OR52N4: variants seen among roughly 807,000 people sequenced by gnomAD.
The protein encoded by OR52N4 is olfactory receptor family 52 subfamily N member 4, also known as olfactory receptor 52N4.
OR52N4 carries 15 observed loss-of-function variants against 15.0 expected under a neutral mutation model. The ratio of observed to expected loss-of-function variants is 1.00; its 90% CI spans 0.67 to 1.54. OR52N4 has a LOEUF of 1.54. Ranked by LOEUF, OR52N4 falls within the 40% of genes most tolerant of loss-of-function variation. The pLI is 0.00. For synonymous variants in OR52N4, 143 were observed against 143.7 expected (o/e 1.00, Z 0.03); for missense variants, 421 against 394.0 (o/e 1.07, Z -0.58).
At chr11:5,736,743 G>C in the OR52N4 span, 7 of 1,614,004 alleles carry the variant, frequency 4.3e-6, no homozygotes, top group Middle Eastern at 1.7e-4. Context: ...GGCATCCTCT[G>C]TATGGTAGAC....
upstream of OR52N4, among the ~76,000 whole-genome samples, chr11:5,752,825 A>G (rs1002591469): frequency 5.3e-5 from 8 of 152,144 alleles, no homozygotes; most frequent in Admixed American, 5.2e-4. Flanking sequence ...TCACTTTTTA[A>G]AAAGATTTTT....
At chr11:5,727,490 C>T in the OR52N4 span, 1 of 144,730 alleles carries the variant, frequency 6.9e-6, no homozygotes, top group East Asian at 2.1e-4. Context: ...GGACTTAATC[C>T]AAAATAAAAA....
At chr11:5,736,510 T>A in the OR52N4 span, 1 of 1,611,170 alleles carries the variant, frequency 6.2e-7, no homozygotes, top group African/African-American at 1.3e-5. Context: ...GAAATTCATG[T>A]TGAATCATGA....
the OR52N4 span, among the ~76,000 whole-genome samples, chr11:5,732,505 C>T: frequency 2.0e-5 from 3 of 152,138 alleles, no homozygotes; most frequent in African/African-American, 7.2e-5. Flanking sequence ...TTAGATCTGT[C>T]AGTACAGTAA....
At chr11:5,748,396 CAAT>C in the OR52N4 span, among the ~76,000 whole-genome samples, 38,607 of 150,924 alleles carry the variant, frequency 0.26, 5,381 homozygotes, top group East Asian at 0.4. Flanking sequence ...TTATTTTTAG[CAAT>C]AATAATTATT....
At chr11:5,750,431 G>T (rs1590342422), upstream of OR52N4, among the ~76,000 whole-genome samples, 1 of 128,724 alleles carries the variant, frequency 7.8e-6, no homozygotes. Context: ...ATCCTGAGCT[G>T]CTATTTACAA....
At chr11:5,745,420 A>C in the OR52N4 span, among the ~76,000 whole-genome samples, 1 of 152,170 alleles carries the variant, frequency 6.6e-6, no homozygotes, top group African/African-American at 2.4e-5. Flanking sequence ...AGCAGAGAAC[A>C]AAATCAAGAA....
chr11:5,746,035 CTAAAA>C, the OR52N4 span, among the ~76,000 whole-genome samples: 1 of 152,044 alleles, frequency 6.6e-6, no homozygotes, highest in African/African-American at 2.4e-5. Flanking sequence ...GACAAAGTCA[CTAAAA>C]TAAACACTGG....
chr11:5,747,077 C>CAAA, the OR52N4 span, among the ~76,000 whole-genome samples: 1 of 57,260 alleles, frequency 1.7e-5, no homozygotes, highest in African/African-American at 7.5e-5. Context: ...GTAAAAATAC[C>CAAA]AAAAAAAAAA....
chr11:5,731,926 T>G, the OR52N4 span, among the ~76,000 whole-genome samples: 1 of 152,188 alleles, frequency 6.6e-6, no homozygotes, highest in Non-Finnish European at 1.5e-5. Flanking sequence ...TTTAATTGAC[T>G]AATATATATA....
chr11:5,737,223 G>A, the OR52N4 span: 1 of 1,614,110 alleles, frequency 6.2e-7, no homozygotes, highest in South Asian at 1.1e-5. Flanking sequence ...TCTGTACTTA[G>A]ACTGAACTCA....
chr11:5,754,773 A>G lies in OR52N4; in HGVS notation c.33A>G (p.Pro11=). The G allele has an allele frequency of 1.9e-6, 3 of 1,613,370 alleles. No homozygotes were observed. The highest frequency in any genetic ancestry group is 2.5e-6 in the Non-Finnish European group (3 of 1,179,544). Residue 11 remains proline, a synonymous_variant, in exon 2 of 2, where the codon CCA becomes CCG. Transcript: ENST00000641350. MLTLNKTDLI[P]ASFILNGVPG... Reference sequence around the variant, plus strand: ...CACTGAATAAAACAGACCTAATACCAGCTTCATTTATTCTGAATGGAGTCC... The same window carrying G: ...CACTGAATAAAACAGACCTAATACCGGCTTCATTTATTCTGAATGGAGTCC...
chr11:5,741,515 A>C, the OR52N4 span, among the ~76,000 whole-genome samples: 1 of 152,174 alleles, frequency 6.6e-6, no homozygotes, highest in African/African-American at 2.4e-5. Flanking sequence ...GGGATGCTGA[A>C]ATCGACATAT....
At position 5,755,737 on chromosome 11, in the gene OR52N4, G is replaced by A; in HGVS notation, c.*31G>A. 1 of 1,590,682 alleles carries A rather than the reference G, an allele frequency of 6.3e-7. No homozygotes were observed. Among genetic ancestry groups the A allele is most frequent in the Non-Finnish European group, 8.6e-7 (1 of 1,169,004 alleles). On this transcript the variant is annotated 3_prime_UTR_variant, in exon 2 of 2. Transcript: ENST00000641350. ...CACTTGCCAGGAGTGAGAAGAGAAG[G>A]AAAGAATTACTTCTATTTGCCTCTT...
At chr11:5,753,480 G>T (rs1356717438), upstream of OR52N4, among the ~76,000 whole-genome samples, 2 of 152,004 alleles carry the variant, frequency 1.3e-5, no homozygotes, top group African/African-American at 2.4e-5. Context: ...TACTGATGTT[G>T]TTGAAGTACT....
At chr11:5,740,077 C>T in the OR52N4 span, among the ~76,000 whole-genome samples, 2 of 127,296 alleles carry the variant, frequency 1.6e-5, 1 homozygote, top group Admixed American at 1.5e-4. Flanking sequence ...CACATTTTCC[C>T]CCCAATAAAC....
the OR52N4 span, among the ~76,000 whole-genome samples, chr11:5,730,251 G>A: frequency 6.8e-6 from 1 of 146,230 alleles, no homozygotes; most frequent in Non-Finnish European, 1.5e-5. Context: ...GAGTGCAGTG[G>A]CACAATCTCA....
At chr11:5,743,723 G>A in the OR52N4 span, among the ~76,000 whole-genome samples, 1 of 152,092 alleles carries the variant, frequency 6.6e-6, no homozygotes, top group Non-Finnish European at 1.5e-5. Context: ...TTTGGGAAAT[G>A]GCAAAAGCTG....
the OR52N4 span, chr11:5,736,946 A>G: frequency 3.7e-6 from 6 of 1,612,188 alleles, no homozygotes; most frequent in African/African-American, 4.0e-5. Flanking sequence ...CTATCCATCA[A>G]TTGTCACCAG....
Sources: allele counts gnomAD v4.1 joint callset (sites outside exome capture counted in the v4.1 genomes callset), GRCh38; gene constraint gnomAD v4.1.1; transcripts MANE v1.5; gene names NCBI Gene and HGNC (gene_info 2026-07-23, HGNC 2026-07-21).